CNTN3: variants seen among roughly 807,000 people sequenced by gnomAD.
The protein encoded by CNTN3 is contactin-3.
Under a neutral mutation model 119.1 loss-of-function variants are expected in CNTN3, and 60 were observed. The ratio of observed to expected loss-of-function variants is 0.50; its 90% confidence interval spans 0.41 to 0.62. CNTN3 has a LOEUF of 0.62. Ranked by LOEUF, CNTN3 falls within the 20% of genes least tolerant of loss-of-function variation. The probability of loss-of-function intolerance (pLI) is 0.00; values close to 1 mark genes in which losing one functional copy is unlikely to be tolerated. For synonymous variants in CNTN3, 450 were observed against 438.7 expected, an observed-to-expected ratio of 1.03 and a Z score of -0.32; for missense variants, 1,101 against 1,242.4, an observed-to-expected ratio of 0.89 and a Z score of 1.71.
intron 1 of CNTN3, among the ~76,000 whole-genome samples, chr3:74,588,506 A>AT (rs1294698359): frequency 1.2e-4 from 19 of 152,074 alleles, no homozygotes; most frequent in Admixed American, 9.8e-4. Flanking sequence ...GGAAGAATCA[A>AT]TATCATGAAA....
intron 4 of CNTN3, among the ~76,000 whole-genome samples, chr3:74,478,188 G>C (rs1702693810): frequency 6.6e-6 from 1 of 152,134 alleles, no homozygotes; most frequent in Non-Finnish European, 1.5e-5. Context: ...AGCTTTTAGT[G>C]AGCCAAGCAT....
At chr3:74,320,609 G>T (rs927085689) in intron 13 of CNTN3, among the ~76,000 whole-genome samples, 9 of 152,096 alleles carry the variant, frequency 5.9e-5, no homozygotes, top group Non-Finnish European at 8.8e-5. Flanking sequence ...CATGGCACAT[G>T]CCCTAAAACT....
At chr3:74,490,087 G>C (rs1214191321) in intron 3 of CNTN3, among the ~76,000 whole-genome samples, 1 of 152,178 alleles carries the variant, frequency 6.6e-6, no homozygotes, top group Admixed American at 6.5e-5. Flanking sequence ...CCTATGGCTG[G>C]ATGACATTGG....
At chr3:74,300,011 GT>G (rs546137207) in intron 16 of CNTN3, 73 bp from the exon 17 acceptor site, 5 of 931,664 alleles carry the variant, frequency 5.4e-6, no homozygotes, top group Admixed American at 2.8e-5. Context: ...ATAATGCAAT[GT>G]TTTTTTAATA....
intron 1 of CNTN3, among the ~76,000 whole-genome samples, chr3:74,538,583 T>A (rs944386700): frequency 3.3e-5 from 5 of 152,172 alleles, no homozygotes; most frequent in African/African-American, 7.2e-5. Context: ...ATTTTGGAGA[T>A]GCTCTATTTT....
At chr3:74,589,961 G>GT (rs1704670988) in intron 1 of CNTN3, among the ~76,000 whole-genome samples, 1 of 131,312 alleles carries the variant, frequency 7.6e-6, no homozygotes. Flanking sequence ...GTGTTGTGGG[G>GT]TGGGGGGGAG....
At chr3:74,287,886 A>G (rs1702144565) in intron 19 of CNTN3, among the ~76,000 whole-genome samples, 1 of 152,190 alleles carries the variant, frequency 6.6e-6, no homozygotes, top group South Asian at 2.1e-4. Context: ...GGCTACTGCT[A>G]TGGCTCTCTC....
At chr3:74,590,571 G>T (rs1480200616) in intron 1 of CNTN3, among the ~76,000 whole-genome samples, 1 of 151,962 alleles carries the variant, frequency 6.6e-6, no homozygotes, top group Non-Finnish European at 1.5e-5. Flanking sequence ...CATTTTAGTT[G>T]ACTCATTGAT....
intron 1 of CNTN3, among the ~76,000 whole-genome samples, chr3:74,596,864 T>A (rs969050637): frequency 2.0e-5 from 3 of 152,098 alleles, no homozygotes; most frequent in Non-Finnish European, 4.4e-5. Context: ...ATATTACTAT[T>A]TAAGAGGCAG....
chr3:74,475,823 A>C (rs1368149438), intron 4 of CNTN3, among the ~76,000 whole-genome samples: 1 of 152,202 alleles, frequency 6.6e-6, no homozygotes, highest in Non-Finnish European at 1.5e-5. Context: ...GTACGTGCAG[A>C]GTGGTGAAAC....
At chr3:74,375,071 T>C (rs1345014122) in intron 5 of CNTN3, among the ~76,000 whole-genome samples, 1 of 152,174 alleles carries the variant, frequency 6.6e-6, no homozygotes. Context: ...TAATTTTATA[T>C]TAAAAGCACA....
chr3:74,318,712 TG>T (rs1335309614), intron 13 of CNTN3, among the ~76,000 whole-genome samples: 4 of 152,146 alleles, frequency 2.6e-5, no homozygotes, highest in Non-Finnish European at 5.9e-5. Context: ...ATCGTTCCTC[TG>T]GAAGTTTTGT....
intron 5 of CNTN3, among the ~76,000 whole-genome samples, chr3:74,423,126 G>A (rs1248600629): frequency 6.6e-6 from 1 of 152,200 alleles, no homozygotes; most frequent in African/African-American, 2.4e-5. Context: ...GAGAAAAATG[G>A]ATTGTTTATG....
chr3:74,614,433 TCGCCGCCGCCGCCGCCGCCGCCGCCGC>T lies in CNTN3; in HGVS notation c.-150_-124del, dbSNP rs548175205. 8.9e-5 allele frequency among the ~76,000 whole-genome samples: 13 copies of T among 145,446 alleles called. 1 individual carries two copies. Among genetic ancestry groups the T allele is most frequent in the African/African-American group, 2.7e-4 (11 of 40,458 alleles). On this transcript the variant is annotated 5_prime_UTR_variant, in exon 1 of 23. Transcript: ENST00000263665. ...CCAGACGCCCGCCCCGACGGCCCACTCGCCGCCGCCGCCGCCGCCGCCGCCGCCGCCACCGCCGCCGCCGCAGTTAGT... is the reference window on the plus strand; with the variant it reads ...CCAGACGCCCGCCCCGACGGCCCACTCGCCACCGCCGCCGCCGCAGTTAGT...
chr3:74,356,374 C>T (rs557704743), intron 11 of CNTN3, among the ~76,000 whole-genome samples: 1 of 152,216 alleles, frequency 6.6e-6, no homozygotes, highest in Non-Finnish European at 1.5e-5. Context: ...CTGGAATACT[C>T]TTCTCCAACA....
At chr3:74,331,405 G>C (rs952073847) in intron 13 of CNTN3, among the ~76,000 whole-genome samples, 3 of 152,122 alleles carry the variant, frequency 2.0e-5, no homozygotes, top group Admixed American at 6.5e-5. Context: ...GTTTGTGTAA[G>C]TGCACCCTAC....
intron 13 of CNTN3, among the ~76,000 whole-genome samples, chr3:74,310,323 T>A (rs1485486652): frequency 6.6e-6 from 1 of 152,234 alleles, no homozygotes; most frequent in East Asian, 1.9e-4. Context: ...ACTATTGCTA[T>A]ATAACAAATT....
chr3:74,602,600 T>C (rs1439808529), intron 1 of CNTN3, among the ~76,000 whole-genome samples: 1 of 152,120 alleles, frequency 6.6e-6, no homozygotes, highest in Non-Finnish European at 1.5e-5. Flanking sequence ...GTCAGATTAC[T>C]TGATTAGATA....
chr3:74,554,748 T>C (rs1351920549), intron 1 of CNTN3, among the ~76,000 whole-genome samples: 6 of 152,218 alleles, frequency 3.9e-5, no homozygotes, highest in Admixed American at 3.3e-4. Context: ...CTTGTGATTT[T>C]TGCACATTGA....
Sources: allele counts gnomAD v4.1 joint callset (sites outside exome capture counted in the v4.1 genomes callset), GRCh38; gene constraint gnomAD v4.1.1; transcripts MANE v1.5; gene names NCBI Gene and HGNC (gene_info 2026-07-23, HGNC 2026-07-21).